Variants in ZNF10 observed in about 807,000 individuals in gnomAD.
ZNF10 encodes the protein zinc finger protein 10, also known as zinc finger protein 10 (KOX 1).
A neutral mutation model predicts 12.2 loss-of-function variants in ZNF10; 8 were observed. That is an observed-to-expected ratio of 0.66 (90% confidence interval 0.39 to 1.18). The LOEUF (loss-of-function observed/expected upper bound fraction) is 1.18, where lower values mean the gene tolerates loss of function less well. ZNF10 is among the 50% of genes most tolerant of loss of function. The pLI is 0.01. For missense variants in ZNF10, 603 were observed against 678.9 expected, an observed-to-expected ratio of 0.89 and a Z score of 1.24; for synonymous variants, 229 against 228.2, an observed-to-expected ratio of 1.00 and a Z score of -0.03.
Position 133,156,837 on chromosome 12 carries a change from C to T in ZNF10, c.1591C>T (p.Pro531Ser). Reference sequence around the variant, plus strand: ...TGGCATTATCTTCAGCCAGAACTCTCCATTTATAGTTCATCAAATAGCTCA... The same window carrying T: ...TGGCATTATCTTCAGCCAGAACTCTTCATTTATAGTTCATCAAATAGCTCA... Reference protein sequence around the residue: ...QCGIIFSQNSPFIVHQIAHTG... With the variant: ...QCGIIFSQNSSFIVHQIAHTG... Residue 531 changes from proline to serine, a missense_variant, in exon 5 of 5, where the codon CCA (proline) becomes TCA (serine). This residue lies in a region of ZNF10 where 204 missense variants were observed against 262.8 expected (regional missense o/e 0.78). Coordinates refer to ENST00000248211, the MANE Select transcript of ZNF10 (RefSeq NM_015394.5). 6.5e-7 allele frequency: 1 copy of T among 1,535,408 alleles called. No homozygotes were observed. Among genetic ancestry groups the T allele is most frequent in the Non-Finnish European group, 8.7e-7 (1 of 1,145,240 alleles).
intron 2 of ZNF10, among the ~76,000 whole-genome samples, chr12:133,147,677 A>G (rs1206172607): frequency 1.4e-5 from 2 of 146,076 alleles, no homozygotes; most frequent in African/African-American, 5.1e-5. Flanking sequence ...CAGTGGCACG[A>G]TATCAGCTCA....
chr12:133,142,799 A>G (rs563111803), intron 1 of ZNF10, among the ~76,000 whole-genome samples: 123 of 152,370 alleles, frequency 8.1e-4, no homozygotes, highest in African/African-American at 2.8e-3. Flanking sequence ...TGGTTCCTCA[A>G]AAAGCTAAAC....
Position 133,156,616 on chromosome 12 carries a change from G to T in ZNF10, c.1370G>T (p.Gly457Val). Residue 457 changes from glycine (G) to valine (V), a missense_variant, in exon 5 of 5, where the codon GGA (glycine) becomes GTA (valine). By Grantham distance (109) the Gly-to-Val change is moderately radical (BLOSUM62 -3). Around this residue, in one of 3 missense-constraint regions of ZNF10, gnomAD observed 204 missense variants for 262.8 expected, o/e 0.78. Coordinates refer to ENST00000248211, the MANE Select transcript of ZNF10 (RefSeq NM_015394.5). ...HLYSHQRTHT[G>V]EKPYECHDCG... The stretch of plus-strand genomic sequence containing the variant: ...TATTCACATCAAAGAACCCACACTG[G>T]AGAGAAACCATATGAGTGTCATGAT... The T allele has an allele frequency of 6.2e-7, 1 of 1,614,068 alleles. No homozygotes were observed. Among genetic ancestry groups the T allele is most frequent in the Non-Finnish European group, 8.5e-7 (1 of 1,179,998 alleles).
chr12:133,157,486 A>G lies in ZNF10; in HGVS notation c.*518A>G, dbSNP rs1195598709. ...AACCATATTTTGGTTAACAGCAAGA[A>G]AAATGCTTATAATGTAGTACAATTA... On this transcript the variant is annotated 3_prime_UTR_variant, in exon 5 of 5. Coordinates refer to ENST00000248211, the MANE Select transcript of ZNF10 (RefSeq NM_015394.5). 6.6e-6 allele frequency: 1 copy of G among 152,272 alleles called. No homozygotes were observed. The highest frequency in any genetic ancestry group is 2.4e-5 in the African/African-American group (1 of 41,456). The allele number at this position is 152,272 out of a possible 1,614,324, so 9.4% of individuals were successfully genotyped here.
intron 2 of ZNF10, 155 bp from the exon 3 acceptor site, chr12:133,150,873 T>G: frequency 3.8e-6 from 3 of 788,886 alleles, no homozygotes; most frequent in Non-Finnish European, 3.7e-6. Context: ...AAGACTTGAC[T>G]AGAATAAATA....
intron 1 of ZNF10, among the ~76,000 whole-genome samples, chr12:133,133,026 C>T (rs192822069): frequency 1.5e-4 from 23 of 151,998 alleles, no homozygotes; most frequent in South Asian, 8.3e-4. Flanking sequence ...TTTCAGAATA[C>T]GTATGTATTA....
chr12:133,154,840 G>A (rs980179028), intron 4 of ZNF10, among the ~76,000 whole-genome samples: 1 of 152,212 alleles, frequency 6.6e-6, no homozygotes, highest in African/African-American at 2.4e-5. Flanking sequence ...ACTTTGGGAG[G>A]CTAAGGCGGG....
rs1048124515 is a variant in ZNF10, at chr12:133,152,311, AG to A, written c.256+409del. 5.9e-5 allele frequency among the ~76,000 whole-genome samples: 9 copies of A among 152,164 alleles called. No homozygotes were observed. The South Asian group carries it at 1.0e-3, about 18-fold the overall frequency. ...CTTTTCTGAGAGTTTGTTTTCTGCC[AG>A]GTAGAAAACTGCTGCAGAGAGCTCA... On this transcript the variant is annotated intron_variant, in intron 4 of 4. Transcript: ENST00000248211.
chr12:133,155,717 A>G lies in ZNF10; in HGVS notation c.471A>G (p.Val157=). The G allele has an allele frequency of 2.5e-6, 4 of 1,611,954 alleles. No individual in the cohort carries two copies. The highest frequency in any genetic ancestry group is 3.4e-6 in the Non-Finnish European group (4 of 1,179,248). ...LRQVAFTQKK[V]LTQERVSESG... ...AAGTGGCATTCACCCAAAAGAAAGT[A>G]CTTACTCAGGAGAGAGTCTCTGAAA... Residue 157 remains valine, a synonymous_variant, in exon 5 of 5, where the codon GTA becomes GTG. Transcript: ENST00000248211.
At chr12:133,147,520 C>T (rs1479037006) in intron 2 of ZNF10, among the ~76,000 whole-genome samples, 1 of 151,040 alleles carries the variant, frequency 6.6e-6, no homozygotes, top group Non-Finnish European at 1.5e-5. Flanking sequence ...GCATCATTTG[C>T]TTATTTATTA....
chr12:133,151,009 A>T lies in ZNF10; in HGVS notation c.34-19A>T. On this transcript the variant is annotated intron_variant, in intron 2 of 4. Transcript: ENST00000248211. The stretch of plus-strand genomic sequence containing the variant: ...AAAGATGCATATCTGGTGCAATGCA[A>T]ATGTGTTTGATGTTGTAGACACTGG... The T allele has an allele frequency of 6.2e-7, 1 of 1,608,682 alleles. No homozygotes were observed. Among genetic ancestry groups the T allele is most frequent in the Admixed American group, 1.7e-5 (1 of 59,638 alleles).
intron 1 of ZNF10, 116 bp from the exon 2 acceptor site, chr12:133,144,318 C>T (rs957254276): frequency 5.5e-6 from 3 of 547,682 alleles, no homozygotes; most frequent in Admixed American, 7.1e-5. Context: ...CTCTGATGTT[C>T]CTCTGTATAG....
chr12:133,155,684 T>G lies in ZNF10; in HGVS notation c.438T>G (p.His146Gln). The G allele has an allele frequency of 6.2e-7, 1 of 1,612,622 alleles. No homozygotes were observed. ...AGTATCAGGAAAACCCAGAGAGACA[T>G]TTGAGGCAAGTGGCATTCACCCAAA... is the stretch of plus-strand genomic sequence containing the variant. ...LDKYQENPER[H>Q]LRQVAFTQKK... Residue 146 changes from histidine (H) to glutamine (Q), a missense_variant, in exon 5 of 5, where the codon CAT (histidine) becomes CAG (glutamine). By Grantham distance (24) the His-to-Gln change is conservative. Transcript: ENST00000248211.
chr12:133,155,639 A>G lies in ZNF10; in HGVS notation c.393A>G (p.Lys131=), dbSNP rs752841306. 87 of 1,613,954 alleles carry G rather than the reference A, an allele frequency of 5.4e-5. 2 individuals carry two copies. In the South Asian group the frequency reaches 7.0e-4, roughly 13 times the overall value. ...LWYLSLEEVW[K]CRDQLDKYQE... is the part of the protein sequence containing the mutation. ...ATTTGTCATTAGAAGAAGTCTGGAA[A>G]TGTAGAGACCAGTTAGACAAGTATC... The change falls in exon 5 of 5, where the codon AAA becomes AAG. Residue 131 remains lysine (K), a synonymous_variant. Transcript: ENST00000248211.
At chr12:133,141,547 C>T (rs2135459624) in intron 1 of ZNF10, among the ~76,000 whole-genome samples, 1 of 151,908 alleles carries the variant, frequency 6.6e-6, no homozygotes, top group South Asian at 2.1e-4. Context: ...CCTATATTGC[C>T]TGAAATGAAA....
intron 3 of ZNF10, 83 bp from the exon 4 acceptor site, chr12:133,151,726 A>T: frequency 2.0e-6 from 2 of 993,670 alleles, no homozygotes; most frequent in Non-Finnish European, 3.1e-6. Context: ...GTTGGTGGTC[A>T]GGTTGAATCT....
At chr12:133,145,722 T>G (rs1386230942) in intron 2 of ZNF10, among the ~76,000 whole-genome samples, 1 of 152,024 alleles carries the variant, frequency 6.6e-6, no homozygotes, top group South Asian at 2.1e-4. Flanking sequence ...GGAAAATTGC[T>G]TGAACCCGGG....
At chr12:133,137,765 A>T (rs1335249440) in intron 1 of ZNF10, among the ~76,000 whole-genome samples, 2 of 152,210 alleles carry the variant, frequency 1.3e-5, no homozygotes, top group East Asian at 3.9e-4. Context: ...AGTGTTCGGT[A>T]GAGATTTATT....
At chr12:133,131,336 A>G (rs200201444) in intron 1 of ZNF10, among the ~76,000 whole-genome samples, 2 of 57,556 alleles carry the variant, frequency 3.5e-5, no homozygotes, top group East Asian at 5.0e-4. Flanking sequence ...GACACTAGAT[A>G]TATATACGCC....
Sources: gnomAD v4.1 joint callset for allele counts (sites outside exome capture counted in the v4.1 genomes callset) on GRCh38, gnomAD v4.1.1 for gene constraint, gnomAD v4.1.1 regional missense constraint, MANE v1.5 for transcripts, NCBI Gene and HGNC (gene_info 2026-07-23, HGNC 2026-07-21) for gene names.